SFMBT1: variants seen among roughly 807,000 people sequenced by gnomAD.
SFMBT1 encodes Scm like with four mbt domains 1.
A neutral mutation model predicts 108.7 loss-of-function variants in SFMBT1; 32 were observed. The observed-to-expected ratio is 0.29, with a 90% CI of 0.22 to 0.40. The LOEUF is 0.40. Among genes scored for constraint, SFMBT1 ranks in the 10% least tolerant of loss-of-function variants. The probability of loss-of-function intolerance (pLI) is 1.00; values close to 1 mark genes in which losing one functional copy is unlikely to be tolerated. For missense variants in SFMBT1, 816 were observed against 1,059.6 expected, an observed-to-expected ratio of 0.77 and a Z score of 3.19; for synonymous variants, 348 against 369.5, an observed-to-expected ratio of 0.94 and a Z score of 0.67.
intron 10 of SFMBT1, among the ~76,000 whole-genome samples, chr3:52,923,158 A>G (rs1282419599): frequency 6.6e-6 from 1 of 152,226 alleles, no homozygotes; most frequent in Non-Finnish European, 1.5e-5. Flanking sequence ...ACAGACAAGC[A>G]ACTTGGAAAA....
rs544198901 is a variant in SFMBT1 at position 52,922,084 on chromosome 3, C to A, written c.1132-253G>T. Among the ~76,000 whole-genome samples, 40 of 152,290 alleles carry A rather than the reference C, an allele frequency of 2.6e-4. 1 individual carries two copies. Among genetic ancestry groups the A allele is most frequent in the African/African-American group, 7.7e-4 (32 of 41,550 alleles). ...TGCTACTTGTATGACCTTGCTCAAGCTGTATAACCTCTTTTTGCCTCAGTT... is the reference window on the plus strand; with the variant it reads ...TGCTACTTGTATGACCTTGCTCAAGATGTATAACCTCTTTTTGCCTCAGTT... On this transcript the variant is annotated intron_variant, in intron 10 of 20. Transcript: ENST00000394752.
intron 1 of SFMBT1, among the ~76,000 whole-genome samples, chr3:53,000,023 C>T (rs1347423054): frequency 2.7e-5 from 4 of 149,848 alleles, no homozygotes; most frequent in South Asian, 4.3e-4. Flanking sequence ...CACATCAGCC[C>T]GGCTAATTTT....
At chr3:53,008,228 A>G (rs1253225046) in intron 1 of SFMBT1, among the ~76,000 whole-genome samples, 1 of 152,210 alleles carries the variant, frequency 6.6e-6, no homozygotes, top group Non-Finnish European at 1.5e-5. Context: ...GTACTTATGT[A>G]GAAGAATGTC....
At chr3:53,028,782 G>A (rs1404732225) in intron 1 of SFMBT1, among the ~76,000 whole-genome samples, 2 of 152,312 alleles carry the variant, frequency 1.3e-5, no homozygotes, top group East Asian at 3.9e-4. Context: ...AGCACTCGTG[G>A]CTGGGAACCC....
At chr3:52,921,671 G>A in intron 11 of SFMBT1, 34 bp downstream of exon 11, 3 of 1,605,230 alleles carry the variant, frequency 1.9e-6, no homozygotes, top group Non-Finnish European at 2.6e-6. Context: ...AAGGAGAGTG[G>A]CCACAGGAAG....
intron 1 of SFMBT1, among the ~76,000 whole-genome samples, chr3:52,994,485 G>C (rs1257698277): frequency 1.3e-5 from 2 of 150,216 alleles, no homozygotes; most frequent in African/African-American, 4.8e-5. Context: ...AAACACCACA[G>C]AGAAGTTAGA....
intron 1 of SFMBT1, among the ~76,000 whole-genome samples, chr3:52,989,730 G>T (rs1170596018): frequency 6.6e-6 from 1 of 151,142 alleles, no homozygotes; most frequent in Non-Finnish European, 1.5e-5. Context: ...GGAGACAGAG[G>T]GTGCAGTAAG....
At chr3:53,019,398 A>T (rs1699229980) in intron 1 of SFMBT1, among the ~76,000 whole-genome samples, 1 of 151,076 alleles carries the variant, frequency 6.6e-6, no homozygotes, top group Admixed American at 6.6e-5. Flanking sequence ...GGGGGGGTAT[A>T]TGTGTGAAAT....
At chr3:52,924,166 CA>C (rs966530582) in intron 10 of SFMBT1, among the ~76,000 whole-genome samples, 11 of 151,822 alleles carry the variant, frequency 7.2e-5, no homozygotes, top group African/African-American at 2.2e-4. Flanking sequence ...TATACAGTGT[CA>C]AAAAAAATTT....
At chr3:52,995,331 A>G (rs1207522945) in intron 1 of SFMBT1, among the ~76,000 whole-genome samples, 1 of 150,364 alleles carries the variant, frequency 6.7e-6, no homozygotes, top group African/African-American at 2.4e-5. Flanking sequence ...AAGAGCCAAT[A>G]TTTTTTAATA....
intron 1 of SFMBT1, among the ~76,000 whole-genome samples, chr3:52,991,421 T>C (rs942120602): frequency 1.4e-5 from 2 of 140,196 alleles, no homozygotes; most frequent in Non-Finnish European, 3.0e-5. Context: ...CTCAGCTCAC[T>C]GCAACCTCCA....
rs1229914904 is a variant in SFMBT1 at position 53,020,851 on chromosome 3, G to A, written c.-131+24965C>T. Among the ~76,000 whole-genome samples the A allele has an allele frequency of 9.9e-5, 15 of 152,220 alleles. 1 individual carries two copies. Among genetic ancestry groups the A allele is most frequent in the African/African-American group, 3.6e-4 (15 of 41,452 alleles). On this transcript the variant is annotated intron_variant, in intron 1 of 20. Transcript: ENST00000394752. The stretch of plus-strand genomic sequence containing the variant: ...GCGGGCGGATCACCTGAGGTCAGGA[G>A]GTTGAGACCAGCCTGGCCAACATGG...
intron 1 of SFMBT1, among the ~76,000 whole-genome samples, chr3:53,004,242 C>G (rs1239597262): frequency 9.5e-6 from 1 of 104,726 alleles, no homozygotes; most frequent in Non-Finnish European, 2.0e-5. Context: ...TCCTCCTTCC[C>G]TTCTTTCTTC....
At chr3:52,960,645 A>C (rs1052945362) in intron 2 of SFMBT1, among the ~76,000 whole-genome samples, 2 of 151,186 alleles carry the variant, frequency 1.3e-5, no homozygotes, top group South Asian at 4.1e-4. Flanking sequence ...CTCTCTATCT[A>C]TCTATGCATG....
chr3:52,998,799 G>A (rs961699689), intron 1 of SFMBT1, among the ~76,000 whole-genome samples: 4 of 150,626 alleles, frequency 2.7e-5, no homozygotes, highest in African/African-American at 7.3e-5. Context: ...TGGTGCTGCC[G>A]ATCGACCTGA....
At chr3:52,929,950 A>G (rs1009333369) in intron 8 of SFMBT1, among the ~76,000 whole-genome samples, 3 of 152,154 alleles carry the variant, frequency 2.0e-5, no homozygotes, top group African/African-American at 7.2e-5. Flanking sequence ...ATCCCCATTC[A>G]TCTCCTCATT....
rs765096836 is a variant in SFMBT1 at position 52,907,609 on chromosome 3, A to G, written c.2031T>C (p.His677=). 6.2e-7 allele frequency: 1 copy of G among 1,614,156 alleles called. No individual in the cohort carries two copies. ...RRKRRKNVFV[H]KKKRSSASVD... The stretch of plus-strand genomic sequence containing the variant: ...CAGATGCAGAGGAGCGTTTCTTCTT[A>G]TGAACAAAAACATTTTTCCGCCTCT... Residue 677 remains histidine (H), a synonymous_variant, in exon 18 of 21, where the codon CAT becomes CAC. Coordinates refer to ENST00000394752, the MANE Select transcript of SFMBT1 (RefSeq NM_016329.4).
chr3:53,038,890 T>C (rs1012693981), intron 1 of SFMBT1, among the ~76,000 whole-genome samples: 1 of 152,204 alleles, frequency 6.6e-6, no homozygotes, highest in Non-Finnish European at 1.5e-5. Flanking sequence ...TGAAGGCTTA[T>C]TTACAATTCT....
intron 3 of SFMBT1, among the ~76,000 whole-genome samples, chr3:52,947,290 T>C (rs771291996): frequency 1.3e-5 from 2 of 152,010 alleles, no homozygotes; most frequent in Non-Finnish European, 2.9e-5. Flanking sequence ...GCTAATTTTC[T>C]GTATTTTTAG....
Sources: gnomAD v4.1 joint callset for allele counts (sites outside exome capture counted in the v4.1 genomes callset) on GRCh38, gnomAD v4.1.1 for gene constraint, MANE v1.5 for transcripts, NCBI Gene and HGNC (gene_info 2026-07-23, HGNC 2026-07-21) for gene names.